The following APBA1 variants were observed in gnomAD, a reference collection of about 807,000 sequenced individuals.
APBA1 encodes amyloid-beta A4 precursor protein-binding family A member 1.
APBA1 carries 55 observed loss-of-function variants against 86.6 expected under a neutral mutation model. That is an observed-to-expected ratio of 0.64 (90% confidence interval 0.51 to 0.80). The LOEUF is 0.80. Among genes scored for constraint, APBA1 ranks in the 30% least tolerant of loss-of-function variants. The pLI, the probability that APBA1 is intolerant of heterozygous loss-of-function variation, is 0.00. For missense variants in APBA1, 1,090 were observed against 1,183.0 expected (o/e 0.92, Z 1.15); for synonymous variants, 511 against 493.9 (o/e 1.03, Z -0.46).
intron 4 of APBA1, among the ~76,000 whole-genome samples, chr9:69,468,521 T>G (rs184892190): frequency 3.3e-3 from 500 of 152,358 alleles, no homozygotes; most frequent in African/African-American, 0.011. Context: ...TCAGAATGTC[T>G]GGATTCCTGT....
intron 1 of APBA1, among the ~76,000 whole-genome samples, chr9:69,534,153 C>G (rs1043570996): frequency 6.6e-6 from 1 of 152,206 alleles, no homozygotes; most frequent in Admixed American, 6.5e-5. Flanking sequence ...ACTTGAATTT[C>G]CAATGTTCAG....
intron 11 of APBA1, among the ~76,000 whole-genome samples, chr9:69,433,515 T>C (rs72717108): frequency 0.11 from 16,107 of 152,272 alleles, 1,146 homozygotes; most frequent in South Asian, 0.27. Flanking sequence ...AAACATTCCT[T>C]AGGTGTTTTC....
chr9:69,536,983 G>GA (rs972919541), intron 1 of APBA1, among the ~76,000 whole-genome samples: 1 of 149,298 alleles, frequency 6.7e-6, no homozygotes, highest in Non-Finnish European at 1.5e-5. Flanking sequence ...GAATCTAAAA[G>GA]AAAAAAAGGC....
In APBA1 at chr9:69,516,989, G is replaced by A; in HGVS notation, c.222C>T (p.Cys74=). The A allele has an allele frequency of 6.3e-7, 1 of 1,583,636 alleles. No homozygotes were observed. Among genetic ancestry groups the A allele is most frequent in the African/African-American group, 1.3e-5 (1 of 74,598 alleles). ...TCTCCGTGCTGGCTGAGCGCGCCAGGCATTCCCCGCGCTCCTCTTCCTCCT... is the reference window on the plus strand; with the variant it reads ...TCTCCGTGCTGGCTGAGCGCGCCAGACATTCCCCGCGCTCCTCTTCCTCCT... ...LGQEEEERGE[C]LARSASTESG... is the part of the protein sequence containing the mutation. The change falls in exon 2 of 13, where the codon TGC becomes TGT. Residue 74 remains cysteine (C), a synonymous_variant. Coordinates refer to ENST00000265381, the MANE Select transcript of APBA1 (RefSeq NM_001163.4). The surrounding 1 kb of genome is among the most constrained non-coding windows in gnomAD (Gnocchi z 7.3).
At chr9:69,544,628 C>A (rs1406878607) in intron 1 of APBA1, among the ~76,000 whole-genome samples, 1 of 152,128 alleles carries the variant, frequency 6.6e-6, no homozygotes, top group Non-Finnish European at 1.5e-5. Flanking sequence ...GGGACTCCTC[C>A]CACAAAAGAA....
intron 1 of APBA1, among the ~76,000 whole-genome samples, chr9:69,584,174 TATA>T (rs1821972125): frequency 1.3e-5 from 2 of 152,142 alleles, no homozygotes; most frequent in South Asian, 2.1e-4. Context: ...CAAATAAAAA[TATA>T]ATGAGATAGA....
At chr9:69,668,495 G>A (rs1823884525) in intron 1 of APBA1, among the ~76,000 whole-genome samples, 1 of 151,794 alleles carries the variant, frequency 6.6e-6, no homozygotes, top group African/African-American at 2.4e-5. Context: ...AGTCTATCTG[G>A]TCTCCCTCCT....
At chr9:69,617,500 C>A (rs1270348072) in intron 1 of APBA1, among the ~76,000 whole-genome samples, 2 of 151,998 alleles carry the variant, frequency 1.3e-5, no homozygotes, top group Non-Finnish European at 2.9e-5. Context: ...ATTACCAACA[C>A]CAACAAATAT....
intron 1 of APBA1, among the ~76,000 whole-genome samples, chr9:69,643,324 C>T (rs564123324): frequency 6.6e-6 from 1 of 152,278 alleles, no homozygotes; most frequent in Admixed American, 6.5e-5. Context: ...ACACCTCTCT[C>T]CTGGCATACA....
At chr9:69,571,973 C>T (rs1292506055) in intron 1 of APBA1, among the ~76,000 whole-genome samples, 1 of 152,202 alleles carries the variant, frequency 6.6e-6, no homozygotes, top group Non-Finnish European at 1.5e-5. Context: ...TCCTGCTTTA[C>T]CACTGCTTCA....
Position 69,651,658 on chromosome 9 carries a change from T to G in APBA1, c.-70+20495A>C, listed in dbSNP as rs535409553. 2.8e-3 allele frequency among the ~76,000 whole-genome samples: 422 copies of G among 152,308 alleles called. 2 individuals are homozygous for G. Among genetic ancestry groups the G allele is most frequent in the African/African-American group, 9.7e-3 (402 of 41,572 alleles). Reference sequence around the variant, plus strand: ...GCCCAGCTAATTTTTGTATTTTTAGTAGAGACGGGGTTTCGCCATGTTGGC... The same window carrying G: ...GCCCAGCTAATTTTTGTATTTTTAGGAGAGACGGGGTTTCGCCATGTTGGC... On this transcript the variant is annotated intron_variant, in intron 1 of 12. Coordinates refer to ENST00000265381, the MANE Select transcript of APBA1 (RefSeq NM_001163.4).
intron 1 of APBA1, among the ~76,000 whole-genome samples, chr9:69,611,583 A>G (rs575445932): frequency 6.6e-6 from 1 of 152,356 alleles, no homozygotes; most frequent in East Asian, 1.9e-4. Context: ...ACTCTTCATT[A>G]GATTACCCAT....
At chr9:69,565,532 C>T (rs1159241912) in intron 1 of APBA1, among the ~76,000 whole-genome samples, 1 of 152,214 alleles carries the variant, frequency 6.6e-6, no homozygotes, top group Non-Finnish European at 1.5e-5. Flanking sequence ...CTGGCAGTCC[C>T]ACACTGCCCA....
intron 2 of APBA1, among the ~76,000 whole-genome samples, chr9:69,487,941 A>T (rs924350459): frequency 1.3e-5 from 2 of 152,168 alleles, no homozygotes; most frequent in African/African-American, 4.8e-5. Flanking sequence ...TTACAAGGCA[A>T]AAACAAAACA....
intron 1 of APBA1, among the ~76,000 whole-genome samples, chr9:69,615,559 G>C (rs1822682411): frequency 1.3e-5 from 2 of 152,214 alleles, no homozygotes; most frequent in African/African-American, 4.8e-5. Context: ...GGTAAAATCT[G>C]AAGTATGCCT....
At chr9:69,551,463 G>T (rs1478947260) in intron 1 of APBA1, among the ~76,000 whole-genome samples, 4 of 151,314 alleles carry the variant, frequency 2.6e-5, no homozygotes, top group African/African-American at 7.3e-5. Context: ...TGGGGCAAGA[G>T]AATCGCTTTA....
intron 4 of APBA1, among the ~76,000 whole-genome samples, chr9:69,469,766 G>A (rs1044166993): frequency 6.6e-6 from 1 of 152,184 alleles, no homozygotes; most frequent in Non-Finnish European, 1.5e-5. Context: ...TAAAGTAAAA[G>A]ATTGTCAGTT....
intron 1 of APBA1, among the ~76,000 whole-genome samples, chr9:69,609,241 T>C (rs938467620): frequency 1.3e-5 from 2 of 152,154 alleles, no homozygotes; most frequent in Admixed American, 6.5e-5. Context: ...TTTAAGAACC[T>C]GACAAATAGA....
intron 1 of APBA1, among the ~76,000 whole-genome samples, chr9:69,526,736 T>G (rs1288185205): frequency 6.6e-6 from 1 of 151,996 alleles, no homozygotes; most frequent in Non-Finnish European, 1.5e-5. Flanking sequence ...TTGTTCTCGG[T>G]AGAATATTGT....
Sources: gnomAD v4.1 joint callset for allele counts (sites outside exome capture counted in the v4.1 genomes callset) on GRCh38, gnomAD v4.1.1 for gene constraint, Gnocchi (gnomAD v3.1) non-coding constraint, MANE v1.5 for transcripts, NCBI Gene and HGNC (gene_info 2026-07-23, HGNC 2026-07-21) for gene names.